Variants in RTN4IP1 observed in about 807,000 individuals in gnomAD.
RTN4IP1 encodes reticulon 4 interacting protein 1, also known as NAD(P)H oxidoreductase RTN4IP1, mitochondrial.
In RTN4IP1, 32 loss-of-function variants were observed where a neutral mutation model predicts 46.6. That is an observed-to-expected ratio of 0.69 (90% CI 0.52 to 0.92). RTN4IP1 has a LOEUF of 0.92. Ranked by LOEUF, RTN4IP1 falls within the 40% of genes least tolerant of loss-of-function variation. The pLI is 0.00. For missense variants in RTN4IP1, 424 were observed against 485.8 expected (o/e 0.87, Z 1.20); for synonymous variants, 167 against 161.8 (o/e 1.03, Z -0.24).
intron 4 of RTN4IP1, among the ~76,000 whole-genome samples, chr6:106,605,131 A>T (rs565100112): frequency 3.1e-4 from 47 of 152,296 alleles, no homozygotes; most frequent in African/African-American, 1.1e-3. Context: ...TGGCACCCCT[A>T]TGTCCAACAA....
intron 6 of RTN4IP1, among the ~76,000 whole-genome samples, chr6:106,590,921 T>C (rs1490231224): frequency 1.3e-5 from 2 of 151,990 alleles, no homozygotes; most frequent in East Asian, 3.9e-4. Context: ...CATGGGAGCT[T>C]TAGGTTGCTG....
chr6:106,595,119 C>A (rs1161731666), intron 5 of RTN4IP1, among the ~76,000 whole-genome samples: 1 of 152,098 alleles, frequency 6.6e-6, no homozygotes, highest in Non-Finnish European at 1.5e-5. Context: ...TCTTTTAAAT[C>A]ATAGGCTCCT....
intron 7 of RTN4IP1, among the ~76,000 whole-genome samples, chr6:106,586,395 GACA>G (rs1023212018): frequency 1.3e-5 from 2 of 151,052 alleles, no homozygotes; most frequent in African/African-American, 2.4e-5. Flanking sequence ...TTTTTTTTGA[GACA>G]ACGTCTTCCT....
intron 4 of RTN4IP1, among the ~76,000 whole-genome samples, chr6:106,611,969 C>T (rs922429343): frequency 6.6e-5 from 10 of 152,252 alleles, no homozygotes; most frequent in South Asian, 4.2e-4. Flanking sequence ...CTTTGTTATC[C>T]GAAGTGTATT....
intron 5 of RTN4IP1, among the ~76,000 whole-genome samples, chr6:106,598,419 T>C (rs962887154): frequency 4.6e-5 from 7 of 150,728 alleles, no homozygotes; most frequent in Admixed American, 1.3e-4. Context: ...CTCATAGTGG[T>C]TTTGATTTGC....
intron 8 of RTN4IP1, among the ~76,000 whole-genome samples, chr6:106,579,100 G>A (rs901639298): frequency 1.3e-5 from 2 of 152,092 alleles, no homozygotes; most frequent in South Asian, 4.2e-4. Flanking sequence ...GCCGGGCGTG[G>A]TGGCAGGCGC....
At chr6:106,595,999 T>A (rs1775781158) in intron 5 of RTN4IP1, among the ~76,000 whole-genome samples, 1 of 151,458 alleles carries the variant, frequency 6.6e-6, no homozygotes, top group East Asian at 1.9e-4. Flanking sequence ...AACTCATGGA[T>A]TTAAATATAT....
In RTN4IP1 at chr6:106,628,789, A is replaced by G. The variant is rs1298801755; in HGVS notation, c.233T>C (p.Val78Ala). 3 of 1,614,072 alleles carry G rather than the reference A, an allele frequency of 1.9e-6. No homozygotes were observed. The highest frequency in any genetic ancestry group is 1.6e-4 in the Middle Eastern group (1 of 6,062). Reference protein sequence around the residue: ...IHYPNEVIVKVHAASVNPIDV... With the variant: ...IHYPNEVIVKAHAASVNPIDV... Reference sequence around the variant, plus strand: ...TATAGGATTTACACTGGCAGCGTGAACTTTGACAATGACTTCATTTGGATA... The same window carrying G: ...TATAGGATTTACACTGGCAGCGTGAGCTTTGACAATGACTTCATTTGGATA... Residue 78 changes from valine (V) to alanine (A), a missense_variant, in exon 1 of 9, where the codon GTT becomes GCT. Physicochemically the swap from Val to Ala is moderately conservative, Grantham distance 64 (BLOSUM62 0). Coordinates refer to ENST00000369063, the MANE Select transcript of RTN4IP1 (RefSeq NM_032730.5).
chr6:106,624,401 A>G (rs9486427), intron 1 of RTN4IP1, among the ~76,000 whole-genome samples: 139,220 of 151,812 alleles, frequency 0.92, 63,888 homozygotes, highest in East Asian at 0.99. Context: ...TGTTGCCCAA[A>G]TGCAGTGATG....
intron 4 of RTN4IP1, 92 bp from the exon 5 acceptor site, chr6:106,603,014 G>A: frequency 2.4e-6 from 2 of 844,942 alleles, no homozygotes; most frequent in South Asian, 1.9e-5. Context: ...ATGATAAGAT[G>A]ATAAATAATT....
chr6:106,618,282 T>TAA (rs68118253), intron 4 of RTN4IP1, among the ~76,000 whole-genome samples: 257 of 151,824 alleles, frequency 1.7e-3, no homozygotes, highest in African/African-American at 5.9e-3. Context: ...TCCTTAGTAA[T>TAA]AAAAAAAACT....
At chr6:106,576,366 G>A (rs557383023) in intron 8 of RTN4IP1, among the ~76,000 whole-genome samples, 42 of 152,284 alleles carry the variant, frequency 2.8e-4, no homozygotes, top group Admixed American at 1.5e-3. Flanking sequence ...CAGAAGGTGA[G>A]AGGAGAAACC....
At chr6:106,611,381 A>G (rs1776220944) in intron 4 of RTN4IP1, among the ~76,000 whole-genome samples, 2 of 152,198 alleles carry the variant, frequency 1.3e-5, no homozygotes, top group South Asian at 4.1e-4. Flanking sequence ...ATTTATAGTG[A>G]AAAAAGCCAC....
intron 8 of RTN4IP1, 198 bp from the exon 9 acceptor site, chr6:106,572,301 G>A: frequency 1.7e-6 from 1 of 582,528 alleles, no homozygotes; most frequent in Non-Finnish European, 3.1e-6. Context: ...CTCTCTTTAT[G>A]GCCCCTCCCA....
chr6:106,573,155 T>C (rs1775124258), intron 8 of RTN4IP1, among the ~76,000 whole-genome samples: 1 of 152,208 alleles, frequency 6.6e-6, no homozygotes, highest in African/African-American at 2.4e-5. Flanking sequence ...GCAACCTCCT[T>C]CTGAAACTAG....
rs542296774 is a variant in RTN4IP1, at chr6:106,583,338, T to A, written c.1073A>T (p.Asp358Val). ...TCCAGGTGCACGTACCTTTCCCGCA[T>A]CCACCAGTTCTGCAATGTCATCTAA... ...PCLDDIAELVDAGKIRPVIEQ... is the reference protein window; with the variant it reads ...PCLDDIAELVVAGKIRPVIEQ... The change falls in exon 8 of 9, where the codon GAT (aspartate) becomes GTT (valine). Residue 358 changes from aspartate (D) to valine (V), a missense_variant. Coordinates refer to ENST00000369063, the MANE Select transcript of RTN4IP1 (RefSeq NM_032730.5). The A allele has an allele frequency of 3.6e-4, 575 of 1,613,338 alleles. 9 individuals carry two copies. In the South Asian group the frequency reaches 5.9e-3, roughly 17 times the overall value.
chr6:106,604,325 T>C (rs1776009714), intron 4 of RTN4IP1, among the ~76,000 whole-genome samples: 1 of 152,172 alleles, frequency 6.6e-6, no homozygotes, highest in Admixed American at 6.5e-5. Context: ...CCAAATTGTG[T>C]TCCTTCTAGA....
chr6:106,591,426 T>C (rs80242464), intron 6 of RTN4IP1, among the ~76,000 whole-genome samples: 1 of 152,176 alleles, frequency 6.6e-6, no homozygotes, highest in African/African-American at 2.4e-5. Flanking sequence ...CTCCCTTTTT[T>C]TTCTTTTTTC....
intron 3 of RTN4IP1, among the ~76,000 whole-genome samples, chr6:106,619,890 C>T (rs113928298): frequency 0.074 from 11,253 of 151,732 alleles, 1,060 homozygotes; most frequent in African/African-American, 0.2. Context: ...GGATTACAGG[C>T]GTAAGCCACC....
Sources: allele counts gnomAD v4.1 joint callset (sites outside exome capture counted in the v4.1 genomes callset), GRCh38; gene constraint gnomAD v4.1.1; transcripts MANE v1.5; gene names NCBI Gene and HGNC (gene_info 2026-07-23, HGNC 2026-07-21).